The following THRB variants were observed in gnomAD, a reference collection of about 807,000 sequenced individuals.
THRB encodes the protein thyroid hormone receptor beta, also known as nuclear receptor subfamily 1 group A member 2.
A neutral mutation model predicts 47.8 loss-of-function variants in THRB; 12 were observed. The observed-to-expected ratio is 0.25, with a 90% CI of 0.16 to 0.41. The LOEUF is 0.41. THRB is among the 10% of genes least tolerant of loss of function. The pLI, the probability that THRB is intolerant of heterozygous loss-of-function variation, is 1.00. For synonymous variants in THRB, 218 were observed against 212.2 expected (o/e 1.03, Z -0.24); for missense variants, 348 against 589.2 (o/e 0.59, Z 4.24).
chr3:24,173,393 C>A (rs762731693), intron 5 of THRB, among the ~76,000 whole-genome samples: 1 of 152,168 alleles, frequency 6.6e-6, no homozygotes, highest in African/African-American at 2.4e-5. Flanking sequence ...GGAAGAACGG[C>A]GTGCTCCATG....
intron 3 of THRB, among the ~76,000 whole-genome samples, chr3:24,246,480 T>A (rs912743349): frequency 1.3e-5 from 2 of 152,218 alleles, no homozygotes; most frequent in African/African-American, 4.8e-5. Flanking sequence ...TATATAATAG[T>A]TGGTAACATT....
At chr3:24,228,795 GT>G in intron 4 of THRB, 142 bp downstream of exon 4, 1 of 739,356 alleles carries the variant, frequency 1.4e-6, no homozygotes, top group South Asian at 1.7e-5. Context: ...TTCTAGGGAG[GT>G]ATTCACAGGA....
At chr3:24,490,090 T>G (rs1347448011) in intron 1 of THRB, among the ~76,000 whole-genome samples, 5 of 152,156 alleles carry the variant, frequency 3.3e-5, no homozygotes, top group Admixed American at 2.6e-4. Context: ...CTCATCACAA[T>G]GGAGACAATT....
At chr3:24,284,683 C>T (rs926355545) in intron 3 of THRB, among the ~76,000 whole-genome samples, 8 of 149,456 alleles carry the variant, frequency 5.4e-5, no homozygotes, top group African/African-American at 2.1e-4. Context: ...ACCTACTCAT[C>T]TGACAAAGGG....
At chr3:24,465,751 T>C (rs575595978) in intron 1 of THRB, among the ~76,000 whole-genome samples, 24 of 152,182 alleles carry the variant, frequency 1.6e-4, no homozygotes, top group African/African-American at 7.2e-5. Flanking sequence ...TGTATGCTAG[T>C]TGATTTCATC....
intron 8 of THRB, among the ~76,000 whole-genome samples, chr3:24,134,034 C>T (rs1575312069): frequency 6.6e-6 from 1 of 152,124 alleles, no homozygotes; most frequent in African/African-American, 2.4e-5. Context: ...GCTAGGCTGT[C>T]TACAGGAAAC....
At chr3:24,316,297 T>G (rs112093311) in intron 2 of THRB, among the ~76,000 whole-genome samples, 1 of 152,224 alleles carries the variant, frequency 6.6e-6, no homozygotes, top group African/African-American at 2.4e-5. Flanking sequence ...AGGACTATCA[T>G]GCCAGTAACA....
At chr3:24,272,637 C>T (rs1388475144) in intron 3 of THRB, among the ~76,000 whole-genome samples, 1 of 152,104 alleles carries the variant, frequency 6.6e-6, no homozygotes, top group Non-Finnish European at 1.5e-5. Flanking sequence ...TTTCTCAAAA[C>T]CATAGCATGT....
In THRB at chr3:24,233,567, GA is replaced by G. The variant is rs71057659; in HGVS notation, c.-42-4567del. 7.0e-3 allele frequency among the ~76,000 whole-genome samples: 953 copies of G among 135,706 alleles called. 16 individuals carry two copies. The highest frequency in any genetic ancestry group is 0.024 in the African/African-American group (868 of 35,630). 89.0% of individuals were successfully genotyped at this position (135,706 alleles called of 152,430 possible). A position where few individuals can be genotyped will look rare whatever the true frequency, so the allele number is the denominator to read the frequency against. On this transcript the variant is annotated intron_variant, in intron 3 of 10. Transcript: ENST00000646209. Reference sequence around the variant, plus strand: ...AGAGAAAGAAAGAAAAAGGAAGAAAGAAAGAAAGAAAGAAAGAAAGAAAGAA... The same window carrying G: ...AGAGAAAGAAAGAAAAAGGAAGAAAGAAGAAAGAAAGAAAGAAAGAAAGAA...
rs57890674 is a variant in THRB, at chr3:24,128,863, CTTTTTTTTTTTT to C, written c.886-1118_886-1107del. Among the ~76,000 whole-genome samples, 96 of 87,042 alleles carry C rather than the reference CTTTTTTTTTTTT, an allele frequency of 1.1e-3. 2 individuals are homozygous for C. The highest frequency in any genetic ancestry group is 1.8e-3 in the African/African-American group (54 of 29,658). 57.1% of individuals were successfully genotyped at this position (87,042 alleles called of 152,430 possible). A position where few individuals can be genotyped will look rare whatever the true frequency, so the allele number is the denominator to read the frequency against. On this transcript the variant is annotated intron_variant, in intron 9 of 10. Coordinates refer to ENST00000646209, the MANE Select transcript of THRB (RefSeq NM_001354712.2). ...GCCAAGAGAAGAAGGAAACATAACT[CTTTTTTTTTTTT>C]TTTTTTTTTTTTTTACCATGGATAT...
chr3:24,383,328 A>G lies in THRB; in HGVS notation c.-260-45957T>C, dbSNP rs188657914. On this transcript the variant is annotated intron_variant, in intron 1 of 10. Transcript: ENST00000646209. ...CATTCATCCATCCATATATCCATCC[A>G]TTCTTTAGCTGTATTAAAAATATCT... Among the ~76,000 whole-genome samples the G allele has an allele frequency of 7.2e-5, 11 of 152,214 alleles. No homozygotes were observed. The East Asian group carries it at 2.1e-3, about 30-fold the overall frequency.
chr3:24,441,607 A>G (rs2071530121), intron 1 of THRB, among the ~76,000 whole-genome samples: 2 of 152,190 alleles, frequency 1.3e-5, no homozygotes, highest in Admixed American at 1.3e-4. Context: ...GAACCGAGGC[A>G]ATAAATGTAA....
intron 2 of THRB, among the ~76,000 whole-genome samples, chr3:24,325,376 T>G (rs1405903712): frequency 6.6e-6 from 1 of 152,180 alleles, no homozygotes; most frequent in Non-Finnish European, 1.5e-5. Flanking sequence ...TCTCAATTAA[T>G]TGCAAATGGT....
chr3:24,176,082 T>C (rs1309161848), intron 5 of THRB, among the ~76,000 whole-genome samples: 1 of 152,202 alleles, frequency 6.6e-6, no homozygotes, highest in African/African-American at 2.4e-5. Flanking sequence ...TTTCCAAAGA[T>C]GTGCTTAATT....
chr3:24,220,032 C>A (rs1323221076), intron 4 of THRB, among the ~76,000 whole-genome samples: 2 of 152,178 alleles, frequency 1.3e-5, no homozygotes, highest in East Asian at 3.8e-4. Flanking sequence ...TTTAACAGAT[C>A]TCCAGCTGAT....
intron 5 of THRB, among the ~76,000 whole-genome samples, chr3:24,178,301 G>T (rs2041439748): frequency 1.3e-5 from 2 of 152,064 alleles, no homozygotes; most frequent in South Asian, 4.1e-4. Context: ...CAATTTTTTA[G>T]TATCTCTGTC....
intron 4 of THRB, among the ~76,000 whole-genome samples, chr3:24,227,404 T>C (rs2047770091): frequency 1.3e-5 from 2 of 152,130 alleles, no homozygotes; most frequent in African/African-American, 4.8e-5. Context: ...AGGAGTGCGA[T>C]TTTAGTGGCG....
intron 1 of THRB, among the ~76,000 whole-genome samples, chr3:24,482,985 A>G (rs1474461290): frequency 6.6e-6 from 1 of 152,222 alleles, no homozygotes; most frequent in Non-Finnish European, 1.5e-5. Context: ...TGTTCTCTGC[A>G]TGATACTTCT....
chr3:24,349,046 C>A (rs2149520409), intron 1 of THRB: 1 of 152,078 alleles, frequency 6.6e-6, no homozygotes, highest in Non-Finnish European at 1.5e-5. Flanking sequence ...ATATAAAAGT[C>A]AATTGGAATT....
Sources: gnomAD v4.1 joint callset for allele counts (sites outside exome capture counted in the v4.1 genomes callset) on GRCh38, gnomAD v4.1.1 for gene constraint, MANE v1.5 for transcripts, NCBI Gene and HGNC (gene_info 2026-07-23, HGNC 2026-07-21) for gene names.